Variants in GRIK4 observed in about 807,000 individuals in gnomAD.
GRIK4 encodes glutamate receptor ionotropic, kainate 4.
In GRIK4, 40 loss-of-function variants were observed where a neutral mutation model predicts 104.9. That is an observed-to-expected ratio of 0.38 (90% CI 0.30 to 0.50). GRIK4 has a LOEUF of 0.50. GRIK4 is among the 20% of genes least tolerant of loss of function. The pLI, the probability that GRIK4 is intolerant of heterozygous loss-of-function variation, is 0.93. For missense variants in GRIK4, 1,047 were observed against 1,308.1 expected (o/e 0.80, Z 3.08); for synonymous variants, 485 against 524.9 (o/e 0.92, Z 1.04).
At chr11:120,852,930 C>A (rs1954008535) in intron 8 of GRIK4, among the ~76,000 whole-genome samples, 2 of 152,148 alleles carry the variant, frequency 1.3e-5, no homozygotes, top group Non-Finnish European at 2.9e-5. Flanking sequence ...GGTGAAAGGA[C>A]CAGGCTGCCA....
chr11:120,967,068 A>G lies in GRIK4; in HGVS notation c.2267-127A>G. The G allele has an allele frequency of 9.5e-7, 1 of 1,047,340 alleles. No individual in the cohort carries two copies. The allele number at this position is 1,047,340 out of a possible 1,614,324, so 64.9% of individuals were successfully genotyped here. A position where few individuals can be genotyped will look rare whatever the true frequency, so the allele number is the denominator to read the frequency against. On this transcript the variant is annotated intron_variant, in intron 18 of 20. Transcript: ENST00000527524. The surrounding 1 kb of genome is among the most constrained non-coding windows in gnomAD (Gnocchi z 4.2). ...CCCATGGGCTCGCCCCACCCGCTGC[A>G]TCTGTCTGTCCCCTCTCGAGGTGAA... is the stretch of plus-strand genomic sequence containing the variant.
chr11:120,781,405 C>T (rs900973790), intron 3 of GRIK4, among the ~76,000 whole-genome samples: 2 of 152,082 alleles, frequency 1.3e-5, no homozygotes, highest in Non-Finnish European at 2.9e-5. Flanking sequence ...GGCTAGAGTG[C>T]AGAGTTGCAA....
intron 4 of GRIK4, among the ~76,000 whole-genome samples, chr11:120,808,562 C>T (rs1251200160): frequency 1.3e-5 from 2 of 152,154 alleles, no homozygotes; most frequent in Admixed American, 6.5e-5. Context: ...CCAGGGGGCC[C>T]GTCATGGGGC....
At chr11:120,701,436 T>C (rs765547946) in intron 3 of GRIK4, among the ~76,000 whole-genome samples, 7 of 152,192 alleles carry the variant, frequency 4.6e-5, no homozygotes, top group Non-Finnish European at 8.8e-5. Flanking sequence ...TTCATTCAGG[T>C]TGTGGCAAAT....
At chr11:120,789,696 G>C (rs548857720) in intron 3 of GRIK4, among the ~76,000 whole-genome samples, 10 of 152,050 alleles carry the variant, frequency 6.6e-5, no homozygotes, top group Non-Finnish European at 1.5e-4. Context: ...GGTTCTTCAT[G>C]CTCTTTTCCT....
At chr11:120,927,187 T>TCATTGTC (rs1943366617) in intron 13 of GRIK4, among the ~76,000 whole-genome samples, 2 of 151,872 alleles carry the variant, frequency 1.3e-5, no homozygotes, top group South Asian at 4.1e-4. Context: ...AGTTGGGTCT[T>TCATTGTC]TATGAACTTG....
At chr11:120,685,729 T>G (rs1950265192) in intron 3 of GRIK4, among the ~76,000 whole-genome samples, 1 of 152,212 alleles carries the variant, frequency 6.6e-6, no homozygotes, top group Admixed American at 6.5e-5. Flanking sequence ...CAGTTGCAGT[T>G]CTGAAGCTTT....
intron 3 of GRIK4, among the ~76,000 whole-genome samples, chr11:120,753,142 A>G (rs1356205000): frequency 6.6e-6 from 1 of 152,218 alleles, no homozygotes; most frequent in Non-Finnish European, 1.5e-5. Context: ...AATGGGCAAG[A>G]AAGCTCTGGA....
chr11:120,690,272 T>C (rs946303001), intron 3 of GRIK4, among the ~76,000 whole-genome samples: 3 of 152,178 alleles, frequency 2.0e-5, no homozygotes, highest in Non-Finnish European at 4.4e-5. Context: ...CCTGAGAGCA[T>C]GGTAAGATGT....
rs987314944 is a variant in GRIK4, at chr11:120,902,967, A to G, written c.1273-2323A>G. ...ACTCAGAGCTCCCGCTCCCTGACACATGACCTTTGCCTTCTGGCTGCCCAC... is the reference window on the plus strand; with the variant it reads ...ACTCAGAGCTCCCGCTCCCTGACACGTGACCTTTGCCTTCTGGCTGCCCAC... On this transcript the variant is annotated intron_variant, in intron 12 of 20. Coordinates refer to ENST00000527524, the MANE Select transcript of GRIK4 (RefSeq NM_014619.5). This position sits in a 1 kb window ranked among gnomAD's most constrained non-coding sequence, Gnocchi z 4.5. Among the ~76,000 whole-genome samples, 5 of 152,216 alleles carry G rather than the reference A, an allele frequency of 3.3e-5. No homozygotes were observed. Among genetic ancestry groups the G allele is most frequent in the Non-Finnish European group, 5.9e-5 (4 of 68,004 alleles).
At chr11:120,601,051 C>T (rs1417441662) in intron 1 of GRIK4, among the ~76,000 whole-genome samples, 3 of 151,374 alleles carry the variant, frequency 2.0e-5, no homozygotes, top group Non-Finnish European at 4.4e-5. Flanking sequence ...GAGACCTTGT[C>T]ACAAACAAAC....
rs1565452377 is a variant in GRIK4 at position 120,940,888 on chromosome 11, T to C, written c.1590+428T>C. Among the ~76,000 whole-genome samples the C allele has an allele frequency of 6.6e-6, 1 of 152,234 alleles. No homozygotes were observed. Among genetic ancestry groups the C allele is most frequent in the Non-Finnish European group, 1.5e-5 (1 of 68,030 alleles). On this transcript the variant is annotated intron_variant, in intron 14 of 20. Transcript: ENST00000527524. This position sits in a 1 kb window ranked among gnomAD's most constrained non-coding sequence, Gnocchi z 4.3. ...GTAGATTCCTTCTCTCTCGATGATC[T>C]GTCCTGGAGAATAAATGGTAGATAA...
At chr11:120,886,581 A>G (rs187802364) in intron 11 of GRIK4, among the ~76,000 whole-genome samples, 2 of 152,310 alleles carry the variant, frequency 1.3e-5, no homozygotes, top group East Asian at 1.9e-4. Flanking sequence ...GCTCACAGGA[A>G]CCTAGCCCTG....
chr11:120,611,153 C>T (rs1012995154), intron 1 of GRIK4, among the ~76,000 whole-genome samples: 1 of 152,046 alleles, frequency 6.6e-6, no homozygotes, highest in African/African-American at 2.4e-5. Context: ...TCTGGCCCCT[C>T]GATGACTCCC....
chr11:120,539,872 G>C (rs138353405), intron 1 of GRIK4, among the ~76,000 whole-genome samples: 17 of 152,272 alleles, frequency 1.1e-4, no homozygotes, highest in Admixed American at 1.1e-3. Flanking sequence ...GGCTTTCAAA[G>C]GCCTTTTCAA....
At chr11:120,579,762 T>A (rs1287436404) in intron 1 of GRIK4, among the ~76,000 whole-genome samples, 1 of 152,076 alleles carries the variant, frequency 6.6e-6, no homozygotes, top group Non-Finnish European at 1.5e-5. Context: ...TTAAGGTATG[T>A]TTTACACACA....
chr11:120,943,783 G>A (rs1023426613), intron 14 of GRIK4, among the ~76,000 whole-genome samples: 2 of 152,212 alleles, frequency 1.3e-5, no homozygotes, highest in Admixed American at 6.5e-5. Flanking sequence ...AATCAAACCT[G>A]TGTGCGAATG....
intron 1 of GRIK4, among the ~76,000 whole-genome samples, chr11:120,518,594 G>C (rs1323855231): frequency 6.6e-6 from 1 of 152,070 alleles, no homozygotes; most frequent in Non-Finnish European, 1.5e-5. Context: ...TAAGCCCAGG[G>C]CTCCAGGCTT....
At chr11:120,794,082 A>G (rs1952458851) in intron 3 of GRIK4, among the ~76,000 whole-genome samples, 1 of 127,150 alleles carries the variant, frequency 7.9e-6, no homozygotes, top group Non-Finnish European at 1.6e-5. Flanking sequence ...CAGTGGTTAG[A>G]GGTGAGGGGC....
Sources: allele counts gnomAD v4.1 joint callset (sites outside exome capture counted in the v4.1 genomes callset), GRCh38; gene constraint gnomAD v4.1.1; non-coding constraint Gnocchi (gnomAD v3.1); transcripts MANE v1.5; gene names NCBI Gene and HGNC (gene_info 2026-07-23, HGNC 2026-07-21).